Variants in ATP8B3 observed in about 807,000 individuals in gnomAD.
The protein encoded by ATP8B3 is ATPase phospholipid transporting 8B3.
Under a neutral mutation model 140.9 loss-of-function variants are expected in ATP8B3, and 141 were observed. That is an observed-to-expected ratio of 1.00 (90% CI 0.87 to 1.15). The LOEUF (loss-of-function observed/expected upper bound fraction) is 1.15. Among genes scored for constraint, ATP8B3 ranks in the 50% most tolerant of loss-of-function variants. The probability of loss-of-function intolerance (pLI) is 0.00; values close to 1 mark genes in which losing one functional copy is unlikely to be tolerated. For missense variants in ATP8B3, 1,874 were observed against 1,740.6 expected (o/e 1.08, Z -1.36); for synonymous variants, 765 against 714.6 (o/e 1.07, Z -1.13).
chr19:1,802,627 G>A lies in ATP8B3; in HGVS notation c.923C>T (p.Ala308Val), dbSNP rs767798977. ...ASFQGTVTCE[A>V]PNSRMHHFVG... ...GAAGTGGTGCATCCGACTGTTAGGCGCCTCACACGTCACTGTGCCTGTGGG... is the reference window on the plus strand; with the variant it reads ...GAAGTGGTGCATCCGACTGTTAGGCACCTCACACGTCACTGTGCCTGTGGG... The change falls in exon 11 of 29, where the codon GCG (alanine) becomes GTG (valine). Residue 308 changes from alanine to valine, a missense_variant. Coordinates refer to ENST00000310127, the MANE Select transcript of ATP8B3 (RefSeq NM_138813.4). 1.4e-5 allele frequency: 22 copies of A among 1,610,528 alleles called. No homozygotes were observed. The highest frequency in any genetic ancestry group is 5.0e-5 in the Admixed American group (3 of 59,740).
At chr19:1,785,028 G>C in intron 27 of ATP8B3, 82 bp from the exon 28 acceptor site, 4 of 1,522,694 alleles carry the variant, frequency 2.6e-6, no homozygotes, top group Non-Finnish European at 3.5e-6. Context: ...TGGTGCCTTT[G>C]TGCCTGGTCC....
Position 1,802,656 on chromosome 19 carries a change from CCAGGTGGT to C in ATP8B3, c.905-19_905-12del. The C allele has an allele frequency of 1.9e-6, 3 of 1,605,354 alleles. No individual in the cohort carries two copies. The highest frequency in any genetic ancestry group is 2.5e-6 in the Non-Finnish European group (3 of 1,176,798). On this transcript the variant is annotated splice_polypyrimidine_tract_variant and intron_variant, in intron 10 of 28. Transcript: ENST00000310127. ...CACACGTCACTGTGCCTGTGGGTGG[CCAGGTGGT>C]CAGTGGGTCAGTGGGCTCAGGCCCT...
In ATP8B3 at chr19:1,801,489, G is replaced by T. The variant is rs79502304; in HGVS notation, c.1152+467C>A. Among the ~76,000 whole-genome samples the T allele has an allele frequency of 9.1e-3, 1,391 of 152,258 alleles. 28 individuals carry two copies. The highest frequency in any genetic ancestry group is 0.048 in the Admixed American group (735 of 15,286). On this transcript the variant is annotated intron_variant, in intron 12 of 28. Transcript: ENST00000310127. ...ATTCTGGCCAGGCACGGTGGCTCAT[G>T]CCTGTAATCCTAGCACTTTGGGAGG...
chr19:1,783,970 G>C (rs572831720), intron 28 of ATP8B3, among the ~76,000 whole-genome samples: 5 of 152,216 alleles, frequency 3.3e-5, no homozygotes, highest in African/African-American at 1.2e-4. Flanking sequence ...AAAGTGCTGG[G>C]ATTACAGGTG....
chr19:1,782,871 A>T lies in ATP8B3; in HGVS notation c.*157T>A, dbSNP rs575329800. 8.2e-5 allele frequency: 77 copies of T among 940,654 alleles called. 1 individual carries two copies. Among genetic ancestry groups the T allele is most frequent in the Non-Finnish European group, 1.2e-4 (75 of 639,280 alleles). The allele number at this position is 940,654 out of a possible 1,614,324, so 58.3% of individuals were successfully genotyped here. Reference sequence around the variant, plus strand: ...AGCCTGTTGCTGCTGGTGAGCACATATTTGGGGAGGGCAGGTTGGTTTTCT... The same window carrying T: ...AGCCTGTTGCTGCTGGTGAGCACATTTTTGGGGAGGGCAGGTTGGTTTTCT... On this transcript the variant is annotated 3_prime_UTR_variant, in exon 29 of 29. Transcript: ENST00000310127.
chr19:1,807,297 A>G lies in ATP8B3; in HGVS notation c.517-31T>C, dbSNP rs1441821729. 3 of 1,563,634 alleles carry G rather than the reference A, an allele frequency of 1.9e-6. No individual in the cohort carries two copies. Among genetic ancestry groups the G allele is most frequent in the Admixed American group, 3.4e-5 (2 of 59,654 alleles). On this transcript the variant is annotated intron_variant, in intron 5 of 28. Transcript: ENST00000310127. The surrounding 1 kb of genome is among the most constrained non-coding windows in gnomAD (Gnocchi z 5.9). ...GTGAGGGGGCCACAGGAAGGGTCAC[A>G]CCAGCCCACTCCCCCGTCCCCTGCC...
chr19:1,787,024 T>C, intron 25 of ATP8B3, 79 bp downstream of exon 25: 3 of 1,375,542 alleles, frequency 2.2e-6, no homozygotes, highest in Non-Finnish European at 3.0e-6. Context: ...AGGCTCCCTC[T>C]CCCCGCCCCA....
intron 10 of ATP8B3, among the ~76,000 whole-genome samples, chr19:1,804,122 T>C (rs942870735): frequency 6.6e-6 from 1 of 152,056 alleles, no homozygotes. Context: ...CAAACAAAAC[T>C]GTACCCCCAG....
At position 1,805,171 on chromosome 19, in the gene ATP8B3, CGTT is replaced by C. The variant is rs2145204042; in HGVS notation, c.904+200_904+202del. Reference sequence around the variant, plus strand: ...TTTTATTTTTGTAGAGATGGGGTCTCGTTATGTTGTCCAGGCTGGTCTTGAATT... The same window carrying C: ...TTTTATTTTTGTAGAGATGGGGTCTCATGTTGTCCAGGCTGGTCTTGAATT... On this transcript the variant is annotated intron_variant, in intron 10 of 28. Coordinates refer to ENST00000310127, the MANE Select transcript of ATP8B3 (RefSeq NM_138813.4). This position sits in a 1 kb window ranked among gnomAD's most constrained non-coding sequence, Gnocchi z 5.2. 1.7e-6 allele frequency: 1 copy of C among 597,868 alleles called. No homozygotes were observed. Among genetic ancestry groups the C allele is most frequent in the East Asian group, 3.1e-5 (1 of 32,010 alleles). 37.0% of individuals were successfully genotyped at this position (597,868 alleles called of 1,614,324 possible). A position where few individuals can be genotyped will look rare whatever the true frequency, so the allele number is the denominator to read the frequency against.
In ATP8B3 at chr19:1,800,431, G is replaced by C; in HGVS notation, c.1171C>G (p.Leu391Val). The C allele has an allele frequency of 6.5e-7, 1 of 1,543,946 alleles. No individual in the cohort carries two copies. The highest frequency in any genetic ancestry group is 8.8e-7 in the Non-Finnish European group (1 of 1,139,648). The change falls in exon 13 of 29, where the codon CTT becomes GTT. Residue 391 changes from leucine (L) to valine (V), a missense_variant. Transcript: ENST00000310127. The surrounding 1 kb of genome is among the most constrained non-coding windows in gnomAD (Gnocchi z 4.4). ...LVVVIFISVVLVCLVLAFGFG... is the reference protein window; with the variant it reads ...LVVVIFISVVVVCLVLAFGFG... ...CCGAAGGCCAACACCAGGCAGACAA[G>C]CACCACGGAGATGAAGATCTGGAAG... is the stretch of plus-strand genomic sequence containing the variant.
rs554085725 is a variant in ATP8B3 at position 1,790,674 on chromosome 19, C to A, written c.2378+83G>T. On this transcript the variant is annotated intron_variant, in intron 21 of 28. Transcript: ENST00000310127. ...CCTTCCCACTGTGCCTTGGGCTCCC[C>A]GTCCAGTGAGACACGCACCTGGGTG... is the stretch of plus-strand genomic sequence containing the variant. 1.3e-5 allele frequency: 16 copies of A among 1,237,274 alleles called. No homozygotes were observed. In the African/African-American group the frequency reaches 2.1e-4, roughly 16 times the overall value. 76.6% of individuals were successfully genotyped at this position (1,237,274 alleles called of 1,614,324 possible).
intron 25 of ATP8B3, among the ~76,000 whole-genome samples, chr19:1,786,644 CA>C (rs1171666515): frequency 3.9e-5 from 6 of 152,054 alleles, no homozygotes; most frequent in Non-Finnish European, 7.4e-5. Flanking sequence ...AGCCGCAACA[CA>C]AGCGTTCCTC....
chr19:1,795,889 C>T lies in ATP8B3; in HGVS notation c.2041G>A (p.Glu681Lys). 1 of 1,612,418 alleles carries T rather than the reference C, an allele frequency of 6.2e-7. No individual in the cohort carries two copies. Among genetic ancestry groups the T allele is most frequent in the Non-Finnish European group, 8.5e-7 (1 of 1,179,726 alleles). ...HRRGAMEFATEEALAAFAQET... is the reference protein window; with the variant it reads ...HRRGAMEFATKEALAAFAQET... The stretch of plus-strand genomic sequence containing the variant: ...AAGGGACTCACAGCCAAGGCCTCCT[C>T]TGTGGCAAATTCCATTGCCCCCCTC... Residue 681 changes from glutamate to lysine, a missense_variant, in exon 18 of 29, where the codon GAG (glutamate) becomes AAG (lysine). Physicochemically the swap from Glu to Lys is moderately conservative, Grantham distance 56. Coordinates refer to ENST00000310127, the MANE Select transcript of ATP8B3 (RefSeq NM_138813.4).
In ATP8B3 at chr19:1,792,019, C is replaced by T. The variant is rs1171595621; in HGVS notation, c.2172G>A (p.Arg724=). ...HQEASLLLQN[R]AQALQQLLGA... ...TGTACACCTGTTGCAGGGCCTGTGCCCGGTTCTGCAGCAGGAGGCTGGCCT... is the reference window on the plus strand; with the variant it reads ...TGTACACCTGTTGCAGGGCCTGTGCTCGGTTCTGCAGCAGGAGGCTGGCCT... Residue 724 remains arginine (R), a synonymous_variant, in exon 19 of 29, where the codon CGG becomes CGA. Coordinates refer to ENST00000310127, the MANE Select transcript of ATP8B3 (RefSeq NM_138813.4). The T allele has an allele frequency of 1.3e-6, 2 of 1,555,802 alleles. No homozygotes were observed. The highest frequency in any genetic ancestry group is 1.9e-5 in the Admixed American group (1 of 51,484).
At chr19:1,799,827 C>T (rs887671121) in intron 14 of ATP8B3, 120 bp downstream of exon 14, 2 of 1,090,024 alleles carry the variant, frequency 1.8e-6, no homozygotes, top group African/African-American at 1.6e-5. Context: ...GCTACGGTTC[C>T]CTGGTTCAGA....
intron 28 of ATP8B3, among the ~76,000 whole-genome samples, chr19:1,783,723 G>A (rs1300134390): frequency 1.3e-5 from 2 of 152,214 alleles, no homozygotes; most frequent in African/African-American, 4.8e-5. Context: ...GGCAGGAGCT[G>A]GGCAGGGAGA....
rs1568621637 is a variant in ATP8B3 at position 1,788,961 on chromosome 19, TAGAAGAAGTAGCGCA to T, written c.2990_3004del (p.Leu997_Tyr1002delinsHis). The stretch of plus-strand genomic sequence containing the variant: ...CACCATCATGCTGGCCATGCTCTTG[TAGAAGAAGTAGCGCA>T]GGAACTTGCAGATCCGCACGTAGGA... On this transcript the variant is annotated inframe_deletion, in exon 24 of 29. Transcript: ENST00000310127. 6.2e-7 allele frequency: 1 copy of T among 1,609,516 alleles called. No individual in the cohort carries two copies. Among genetic ancestry groups the T allele is most frequent in the South Asian group, 1.1e-5 (1 of 90,206 alleles).
Position 1,782,890 on chromosome 19 carries a change from G to GT in ATP8B3, c.*137dup. 8.0e-7 allele frequency: 1 copy of GT among 1,247,014 alleles called. No individual in the cohort carries two copies. Among genetic ancestry groups the GT allele is most frequent in the Non-Finnish European group, 1.1e-6 (1 of 915,180 alleles). The allele number at this position is 1,247,014 out of a possible 1,614,324, so 77.2% of individuals were successfully genotyped here. A position where few individuals can be genotyped will look rare whatever the true frequency, so the allele number is the denominator to read the frequency against. On this transcript the variant is annotated 3_prime_UTR_variant, in exon 29 of 29. Transcript: ENST00000310127. ...GCACATATTTGGGGAGGGCAGGTTG[G>GT]TTTTCTGGATGAAGAGCGGATTGTC...
chr19:1,789,381 T>G lies in ATP8B3; in HGVS notation c.2825A>C (p.Asn942Thr), dbSNP rs1469307984. The change falls in exon 23 of 29, where the codon AAC becomes ACC. Residue 942 changes from asparagine to threonine, a missense_variant. Around this residue, in one of 3 missense-constraint regions of ATP8B3, gnomAD observed 840 missense variants for 760.9 expected, o/e 1.10. Coordinates refer to ENST00000310127, the MANE Select transcript of ATP8B3 (RefSeq NM_138813.4). ...VVTLAIGDGA[N>T]DINMIKTADV... ...CCCACTCTTGATCATGTTGATGTCG[T>G]TGGCACCGTCCCCGATGGCCAGGGT... 6.4e-7 allele frequency: 1 copy of G among 1,563,838 alleles called. No individual in the cohort carries two copies. The highest frequency in any genetic ancestry group is 1.8e-5 in the Admixed American group (1 of 56,168).
Sources: allele counts gnomAD v4.1 joint callset (sites outside exome capture counted in the v4.1 genomes callset), GRCh38; gene constraint gnomAD v4.1.1; regional missense constraint gnomAD v4.1.1; non-coding constraint Gnocchi (gnomAD v3.1); transcripts MANE v1.5; gene names NCBI Gene and HGNC (gene_info 2026-07-23, HGNC 2026-07-21).